Variants in ANKFN1 observed in about 807,000 individuals in gnomAD.
ANKFN1 encodes ankyrin repeat and fibronectin type III domain containing 1, also known as ankyrin repeat and fibronectin type-III domain-containing protein 1.
ANKFN1 carries 74 observed loss-of-function variants against 108.7 expected under a neutral mutation model. That is an observed-to-expected ratio of 0.68 (90% CI 0.56 to 0.83). ANKFN1 has a LOEUF of 0.83. ANKFN1 is among the 40% of genes least tolerant of loss of function. The pLI is 0.00. For missense variants in ANKFN1, 1,505 were observed against 1,382.3 expected, an observed-to-expected ratio of 1.09 and a Z score of -1.41; for synonymous variants, 547 against 516.2, an observed-to-expected ratio of 1.06 and a Z score of -0.81.
At chr17:56,367,534 T>C (rs2046693670) in intron 6 of ANKFN1, among the ~76,000 whole-genome samples, 1 of 152,106 alleles carries the variant, frequency 6.6e-6, no homozygotes, top group African/African-American at 2.4e-5. Flanking sequence ...ATGCTGTTGA[T>C]AATTAAACAC....
intron 8 of ANKFN1, among the ~76,000 whole-genome samples, chr17:56,436,725 G>A (rs980071623): frequency 6.6e-6 from 1 of 151,878 alleles, no homozygotes; most frequent in Admixed American, 6.6e-5. Context: ...AGCTACTTGG[G>A]AGGCTGAGAC....
chr17:56,167,780 G>A (rs139498650), intron 1 of ANKFN1, among the ~76,000 whole-genome samples: 7 of 152,254 alleles, frequency 4.6e-5, no homozygotes, highest in South Asian at 2.1e-4. Flanking sequence ...TCTGGATCAC[G>A]TGGAAACTTC....
At chr17:56,422,385 C>T (rs2048433654) in intron 8 of ANKFN1, among the ~76,000 whole-genome samples, 1 of 151,986 alleles carries the variant, frequency 6.6e-6, no homozygotes, top group Non-Finnish European at 1.5e-5. Context: ...TTCATTTCTT[C>T]ATTCTCCAGT....
At chr17:56,490,801 AAAC>A (rs1237243190) in intron 18 of ANKFN1, among the ~76,000 whole-genome samples, 4 of 152,082 alleles carry the variant, frequency 2.6e-5, no homozygotes, top group Admixed American at 2.6e-4. Context: ...GAGTTGAGAA[AAAC>A]CTCCTTGAAA....
At position 56,422,475 on chromosome 17, in the gene ANKFN1, G is replaced by A. The variant is rs573273803; in HGVS notation, c.911-17852G>A. The stretch of plus-strand genomic sequence containing the variant: ...CACACACATGCACACACACACGCAC[G>A]CATGCACACACGCACATACACACAC... On this transcript the variant is annotated intron_variant, in intron 8 of 20. Transcript: ENST00000682825. Among the ~76,000 whole-genome samples, 7 of 150,880 alleles carry A rather than the reference G, an allele frequency of 4.6e-5. No individual in the cohort carries two copies. The South Asian group carries it at 6.3e-4, about 14-fold the overall frequency.
chr17:56,468,707 C>A (rs1200523654), intron 15 of ANKFN1, among the ~76,000 whole-genome samples: 2 of 152,152 alleles, frequency 1.3e-5, no homozygotes, highest in African/African-American at 4.8e-5. Context: ...TCATTACTTG[C>A]ACCGGCCCAA....
At chr17:56,389,132 A>G (rs7502571) in intron 8 of ANKFN1, among the ~76,000 whole-genome samples, 88,299 of 152,108 alleles carry the variant, frequency 0.58, 28,849 homozygotes, top group East Asian at 0.96. Context: ...GCAACTTTAT[A>G]CCTAATAGCC....
intron 5 of ANKFN1, 140 bp downstream of exon 5, chr17:56,351,107 G>A: frequency 9.3e-6 from 7 of 756,334 alleles, no homozygotes; most frequent in Middle Eastern, 3.6e-4. Context: ...TTCAGGTAGG[G>A]TAGTAACTGT....
intron 6 of ANKFN1, among the ~76,000 whole-genome samples, chr17:56,361,803 C>T (rs989771197): frequency 6.6e-6 from 1 of 152,008 alleles, no homozygotes; most frequent in Admixed American, 6.6e-5. Flanking sequence ...CTGGCATGAG[C>T]CCCACATTTC....
intron 5 of ANKFN1, among the ~76,000 whole-genome samples, chr17:56,353,172 G>C (rs190378982): frequency 2.6e-5 from 4 of 151,894 alleles, no homozygotes; most frequent in African/African-American, 9.7e-5. Flanking sequence ...GGTACACTTG[G>C]TTTAATCTAA....
intron 10 of ANKFN1, among the ~76,000 whole-genome samples, chr17:56,448,268 C>T (rs1267789859): frequency 6.6e-6 from 1 of 151,478 alleles, no homozygotes; most frequent in African/African-American, 2.4e-5. Context: ...TCTGAAATGA[C>T]TGACCTGCTG....
chr17:56,096,626 G>A (rs1395139454), intron 4 of ANKFN1, among the ~76,000 whole-genome samples: 3 of 152,202 alleles, frequency 2.0e-5, no homozygotes, highest in African/African-American at 4.8e-5. Context: ...TGGCGAGGTT[G>A]CAGAGAAAAG....
At chr17:56,229,822 G>A (rs1880428526) in intron 3 of ANKFN1, among the ~76,000 whole-genome samples, 1 of 151,862 alleles carries the variant, frequency 6.6e-6, no homozygotes. Context: ...TTTTGAGAAG[G>A]AAGCTTGCAC....
chr17:56,487,740 G>A (rs949106984), intron 18 of ANKFN1, among the ~76,000 whole-genome samples: 4 of 152,156 alleles, frequency 2.6e-5, no homozygotes, highest in African/African-American at 9.7e-5. Context: ...CCTATAAGAG[G>A]CAGGCTATTG....
intron 3 of ANKFN1, among the ~76,000 whole-genome samples, chr17:56,250,687 A>G (rs984341492): frequency 6.6e-6 from 1 of 152,178 alleles, no homozygotes; most frequent in African/African-American, 2.4e-5. Flanking sequence ...TGATTAGGAA[A>G]TATGGTGTTC....
At chr17:56,413,711 G>A (rs1567982596) in intron 8 of ANKFN1, among the ~76,000 whole-genome samples, 1 of 152,030 alleles carries the variant, frequency 6.6e-6, no homozygotes, top group African/African-American at 2.4e-5. Context: ...TTCTGTTTAT[G>A]TGAAGAATCA....
chr17:56,174,076 T>G (rs1910910352), intron 1 of ANKFN1: 3 of 647,136 alleles, frequency 4.6e-6, no homozygotes, highest in African/African-American at 2.0e-5. Flanking sequence ...TGCTATCAGG[T>G]GCCATTGCTG....
chr17:56,089,398 A>G (rs1346460823), intron 4 of ANKFN1, among the ~76,000 whole-genome samples: 1 of 151,434 alleles, frequency 6.6e-6, no homozygotes, highest in African/African-American at 2.4e-5. Flanking sequence ...CTTGATTCTA[A>G]TTATTTCTCT....
At chr17:56,046,396 G>A (rs991092683) in intron 4 of ANKFN1, 2 of 152,398 alleles carry the variant, frequency 1.3e-5, no homozygotes, top group African/African-American at 4.8e-5. Flanking sequence ...CTGTGAGGTG[G>A]GCATATGTGT....
Sources: allele counts gnomAD v4.1 joint callset (sites outside exome capture counted in the v4.1 genomes callset), GRCh38; gene constraint gnomAD v4.1.1; transcripts MANE v1.5; gene names NCBI Gene and HGNC (gene_info 2026-07-23, HGNC 2026-07-21).